The following CDH12 variants were observed in gnomAD, a reference collection of about 807,000 sequenced individuals.
CDH12 encodes the protein cadherin 12.
A neutral mutation model predicts 74.1 loss-of-function variants in CDH12; 41 were observed. That is an observed-to-expected ratio of 0.55 (90% CI 0.43 to 0.72). CDH12 has a LOEUF of 0.72. Among genes scored for constraint, CDH12 ranks in the 30% least tolerant of loss-of-function variants. The probability of loss-of-function intolerance (pLI) is 0.00; values close to 1 mark genes in which losing one functional copy is unlikely to be tolerated. For synonymous variants in CDH12, 399 were observed against 355.0 expected (o/e 1.12, Z -1.39); for missense variants, 945 against 977.2 (o/e 0.97, Z 0.44).
At chr5:21,933,279 C>T (rs997916455) in intron 6 of CDH12, among the ~76,000 whole-genome samples, 13 of 151,722 alleles carry the variant, frequency 8.6e-5, no homozygotes, top group African/African-American at 1.9e-4. Flanking sequence ...CTTTTTTATA[C>T]GTTGAAATTA....
chr5:22,398,183 C>T (rs996647783), intron 3 of CDH12, among the ~76,000 whole-genome samples: 2 of 152,036 alleles, frequency 1.3e-5, no homozygotes, highest in African/African-American at 2.4e-5. Context: ...AGTAATATGG[C>T]AAATTGCTGG....
intron 3 of CDH12, among the ~76,000 whole-genome samples, chr5:22,281,965 C>T (rs574488963): frequency 6.6e-6 from 1 of 152,146 alleles, no homozygotes; most frequent in East Asian, 1.9e-4. Flanking sequence ...TGCTACCTGA[C>T]TTCAAACTAT....
chr5:22,697,832 G>T (rs1742458855), intron 1 of CDH12, among the ~76,000 whole-genome samples: 1 of 152,006 alleles, frequency 6.6e-6, no homozygotes, highest in Non-Finnish European at 1.5e-5. Context: ...CATAAGAAAA[G>T]AAAGAGATAC....
chr5:22,715,139 T>A (rs904997309), intron 1 of CDH12, among the ~76,000 whole-genome samples: 2 of 152,210 alleles, frequency 1.3e-5, no homozygotes, highest in East Asian at 3.9e-4. Flanking sequence ...CACTCAATGC[T>A]TGTCAAAATT....
At chr5:22,302,675 G>A (rs3099036) in intron 3 of CDH12, among the ~76,000 whole-genome samples, 84,067 of 151,928 alleles carry the variant, frequency 0.55, 23,836 homozygotes, top group Non-Finnish European at 0.62. Context: ...GAGTAACAAA[G>A]TTATCAGTGT....
chr5:22,671,990 T>G (rs1740922463), intron 1 of CDH12, among the ~76,000 whole-genome samples: 1 of 139,074 alleles, frequency 7.2e-6, no homozygotes, highest in East Asian at 2.1e-4. Flanking sequence ...TATTATACCA[T>G]CTTTACTGAA....
intron 1 of CDH12, among the ~76,000 whole-genome samples, chr5:22,747,343 A>C (rs905093871): frequency 6.6e-6 from 1 of 151,966 alleles, no homozygotes; most frequent in African/African-American, 2.4e-5. Flanking sequence ...ACAGTAAAAG[A>C]CCAGGTGTAG....
In CDH12 at chr5:22,788,243, A is replaced by G. The variant is rs1234476610; in HGVS notation, c.-523+64815T>C. On this transcript the variant is annotated intron_variant, in intron 1 of 14. Coordinates refer to ENST00000382254, the MANE Select transcript of CDH12 (RefSeq NM_004061.5). ...TGGTGACTGACTGTAACAGTTGTTT[A>G]TTCTTAAAAGCAGTTGTTACCTTCT... 2.0e-5 allele frequency among the ~76,000 whole-genome samples: 3 copies of G among 152,268 alleles called. No homozygotes were observed. The East Asian group carries it at 5.8e-4, about 29-fold the overall frequency.
chr5:22,417,789 C>T (rs1181347064), intron 2 of CDH12, among the ~76,000 whole-genome samples: 1 of 152,066 alleles, frequency 6.6e-6, no homozygotes, highest in East Asian at 1.9e-4. Flanking sequence ...AGTGTATTTT[C>T]ATAACCTTTT....
At chr5:22,780,329 T>C (rs1483729222) in intron 1 of CDH12, among the ~76,000 whole-genome samples, 1 of 152,178 alleles carries the variant, frequency 6.6e-6, no homozygotes, top group Non-Finnish European at 1.5e-5. Context: ...ATTTCAAGGC[T>C]GCAGTGAGCT....
chr5:22,384,209 A>G (rs1329943071), intron 3 of CDH12, among the ~76,000 whole-genome samples: 1 of 152,116 alleles, frequency 6.6e-6, no homozygotes, highest in Admixed American at 6.6e-5. Flanking sequence ...GCCTAGATAA[A>G]TATTAAAAAA....
chr5:22,764,379 G>A (rs757542847), intron 1 of CDH12, among the ~76,000 whole-genome samples: 8 of 151,566 alleles, frequency 5.3e-5, no homozygotes, highest in Non-Finnish European at 1.0e-4. Context: ...AAATTCAATT[G>A]TTGTCTTTTC....
At chr5:22,291,339 A>G (rs1420927720) in intron 3 of CDH12, among the ~76,000 whole-genome samples, 8 of 152,210 alleles carry the variant, frequency 5.3e-5, no homozygotes, top group East Asian at 3.8e-4. Context: ...TATTCATTAT[A>G]GTACACTGGA....
At chr5:22,190,607 T>C (rs1049616074) in intron 4 of CDH12, among the ~76,000 whole-genome samples, 8 of 152,198 alleles carry the variant, frequency 5.3e-5, no homozygotes, top group East Asian at 1.9e-4. Flanking sequence ...GAATTTCTTA[T>C]GGTTTGGCTG....
At chr5:22,364,302 A>G (rs1740941943) in intron 3 of CDH12, among the ~76,000 whole-genome samples, 1 of 128,176 alleles carries the variant, frequency 7.8e-6, no homozygotes, top group South Asian at 2.2e-4. Flanking sequence ...ATGGGAAGAA[A>G]AGACAATGCT....
chr5:22,240,160 T>G lies in CDH12; in HGVS notation c.-332-27517A>C, dbSNP rs181267095. ...CAGAGTTAGCAGTATCCATTCTTTT[T>G]GCAATACTTAGATGCTTATGAAAAT... On this transcript the variant is annotated intron_variant, in intron 3 of 14. Coordinates refer to ENST00000382254, the MANE Select transcript of CDH12 (RefSeq NM_004061.5). Among the ~76,000 whole-genome samples, 3 of 152,296 alleles carry G rather than the reference T, an allele frequency of 2.0e-5. No homozygotes were observed. The East Asian group carries it at 5.8e-4, about 29-fold the overall frequency.
intron 4 of CDH12, among the ~76,000 whole-genome samples, chr5:22,195,679 A>G (rs1750575520): frequency 6.6e-6 from 1 of 152,216 alleles, no homozygotes; most frequent in African/African-American, 2.4e-5. Flanking sequence ...TTTTAAACAC[A>G]CAGAAGCAAA....
intron 6 of CDH12, among the ~76,000 whole-genome samples, chr5:21,888,176 A>G (rs1345439744): frequency 6.6e-6 from 1 of 152,158 alleles, no homozygotes; most frequent in Non-Finnish European, 1.5e-5. Flanking sequence ...GGTCCACTAC[A>G]CTGTGTACCA....
chr5:22,514,402 A>C (rs1170717157), intron 1 of CDH12, among the ~76,000 whole-genome samples: 1 of 152,200 alleles, frequency 6.6e-6, no homozygotes, highest in Non-Finnish European at 1.5e-5. Flanking sequence ...AAGCACAGGG[A>C]GGAGAGTGCT....
Sources: gnomAD v4.1 joint callset for allele counts (sites outside exome capture counted in the v4.1 genomes callset) on GRCh38, gnomAD v4.1.1 for gene constraint, MANE v1.5 for transcripts, NCBI Gene and HGNC (gene_info 2026-07-23, HGNC 2026-07-21) for gene names.